Variants in BNC2 observed in about 807,000 individuals in gnomAD.
BNC2 encodes the protein zinc finger protein basonuclin-2.
BNC2 carries 20 observed loss-of-function variants against 76.3 expected under a neutral mutation model. The observed-to-expected ratio is 0.26, with a 90% confidence interval of 0.18 to 0.38. The LOEUF (loss-of-function observed/expected upper bound fraction) is 0.38, where lower values mean the gene tolerates loss of function less well. Among genes scored for constraint, BNC2 ranks in the 10% least tolerant of loss-of-function variants. BNC2 has a pLI of 1.00. For synonymous variants in BNC2, 582 were observed against 514.8 expected (o/e 1.13, Z -1.77); for missense variants, 1,382 against 1,399.8 (o/e 0.99, Z 0.20).
chr9:16,589,788 G>A (rs957851966), intron 3 of BNC2, among the ~76,000 whole-genome samples: 12 of 152,188 alleles, frequency 7.9e-5, no homozygotes, highest in African/African-American at 2.2e-4. Flanking sequence ...AATTACAGGC[G>A]TAAGCCACGG....
At chr9:16,776,197 T>A (rs893082789) in intron 1 of BNC2, among the ~76,000 whole-genome samples, 2 of 132,530 alleles carry the variant, frequency 1.5e-5, no homozygotes, top group South Asian at 5.3e-4. Context: ...TGGAGTGCAA[T>A]GGAACCATCT....
chr9:16,513,955 C>T (rs970338406), intron 5 of BNC2, among the ~76,000 whole-genome samples: 12 of 152,132 alleles, frequency 7.9e-5, no homozygotes, highest in African/African-American at 2.9e-4. Flanking sequence ...TGTTAGCTTC[C>T]GTGAAGGCCC....
rs182877663 is a variant in BNC2, at chr9:16,692,639, T to C, written c.330+35158A>G. 1.8e-3 allele frequency among the ~76,000 whole-genome samples: 275 copies of C among 152,074 alleles called. 2 individuals are homozygous for C. Among genetic ancestry groups the C allele is most frequent in the Middle Eastern group, 0.017 (5 of 294 alleles). On this transcript the variant is annotated intron_variant, in intron 3 of 6. Coordinates refer to ENST00000380672, the MANE Select transcript of BNC2 (RefSeq NM_017637.6). ...CTTTGAGACCACGATGGAAGCCGCA[T>C]AGGGGAAAGGAAAGCAAGCCACAAG...
chr9:16,788,836 A>G (rs1817421714), intron 1 of BNC2, among the ~76,000 whole-genome samples: 1 of 152,126 alleles, frequency 6.6e-6, no homozygotes, highest in African/African-American at 2.4e-5. Context: ...AACATGTCCA[A>G]TATGCAGGGC....
intron 4 of BNC2, among the ~76,000 whole-genome samples, chr9:16,568,752 C>T (rs1265626483): frequency 3.3e-5 from 5 of 152,202 alleles, no homozygotes; most frequent in South Asian, 2.1e-4. Flanking sequence ...AATGATGACA[C>T]ATTAAAACTT....
At chr9:16,784,742 A>G (rs1301473960) in intron 1 of BNC2, among the ~76,000 whole-genome samples, 1 of 152,222 alleles carries the variant, frequency 6.6e-6, no homozygotes, top group Admixed American at 6.5e-5. Flanking sequence ...CAACAAGCCT[A>G]TAGTAGGTCA....
intron 4 of BNC2, among the ~76,000 whole-genome samples, chr9:16,577,278 C>T (rs961156773): frequency 6.6e-6 from 1 of 150,542 alleles, no homozygotes; most frequent in Non-Finnish European, 1.5e-5. Context: ...CTATAAATAC[C>T]CCTGGTCTGA....
intron 1 of BNC2, among the ~76,000 whole-genome samples, chr9:16,800,582 T>C (rs1274825889): frequency 2.0e-5 from 3 of 152,138 alleles, no homozygotes; most frequent in South Asian, 2.1e-4. Flanking sequence ...GGCAATTTCA[T>C]TGATCATGTA....
intron 1 of BNC2, among the ~76,000 whole-genome samples, chr9:16,802,988 A>C (rs1817819996): frequency 1.3e-5 from 2 of 152,226 alleles, no homozygotes; most frequent in Non-Finnish European, 2.9e-5. Flanking sequence ...AGAGTAGACC[A>C]TCACACAGAC....
At chr9:16,835,569 C>A in intron 1 of BNC2, among the ~76,000 whole-genome samples, 1 of 152,080 alleles carries the variant, frequency 6.6e-6, no homozygotes, top group East Asian at 1.9e-4. Context: ...GGCATGGTGG[C>A]ACATGCCTTT....
At chr9:16,847,732 G>A (rs989193406) in intron 1 of BNC2, among the ~76,000 whole-genome samples, 10 of 152,168 alleles carry the variant, frequency 6.6e-5, no homozygotes, top group Non-Finnish European at 1.3e-4. Context: ...AGTAAATCAT[G>A]ATCCAGTTAG....
chr9:16,716,812 C>T (rs998777457), intron 3 of BNC2, among the ~76,000 whole-genome samples: 10 of 152,114 alleles, frequency 6.6e-5, no homozygotes, highest in African/African-American at 1.4e-4. Context: ...TGTTTCCTTC[C>T]GAAAGGAAGC....
chr9:16,521,541 A>G (rs1817619912), intron 5 of BNC2, among the ~76,000 whole-genome samples: 1 of 152,172 alleles, frequency 6.6e-6, no homozygotes, highest in South Asian at 2.1e-4. Context: ...ACATATACCT[A>G]TTTCCTGCAG....
chr9:16,449,705 A>T (rs1474114324), intron 5 of BNC2, among the ~76,000 whole-genome samples: 1 of 152,196 alleles, frequency 6.6e-6, no homozygotes, highest in South Asian at 2.1e-4. Flanking sequence ...AGCGGATCAC[A>T]ATTAGTAAAA....
Position 16,412,723 on chromosome 9 carries a change from GAGAGAGAGAGA to G in BNC2, c.*6255_*6265del, listed in dbSNP as rs1563769980. 4.3e-4 allele frequency: 8 copies of G among 18,500 alleles called. No homozygotes were observed. Among genetic ancestry groups the G allele is most frequent in the African/African-American group, 2.9e-3 (3 of 1,040 alleles). The allele number at this position is 18,500 out of a possible 1,614,324, so 1.1% of individuals were successfully genotyped here. ...AAGAGGGAAGGAGAGAGAGAGGGGA[GAGAGAGAGAGA>G]GAGAGAGAGAGAGAGAGAGAGAGAG... On this transcript the variant is annotated 3_prime_UTR_variant, in exon 7 of 7. Coordinates refer to ENST00000380672, the MANE Select transcript of BNC2 (RefSeq NM_017637.6).
rs145276166 is a variant in BNC2 at position 16,656,017 on chromosome 9, T to C, written c.330+71780A>G. 2.0e-3 allele frequency among the ~76,000 whole-genome samples: 311 copies of C among 152,282 alleles called. 1 individual carries two copies. The highest frequency in any genetic ancestry group is 3.5e-3 in the Non-Finnish European group (240 of 68,026). The stretch of plus-strand genomic sequence containing the variant: ...AGGCAGTGTTCTTAATAGGGGAGGT[T>C]TGTCACCCAGGAAACACTGGGAATG... On this transcript the variant is annotated intron_variant, in intron 3 of 6. Transcript: ENST00000380672.
intron 1 of BNC2, among the ~76,000 whole-genome samples, chr9:16,820,960 C>G (rs1157153531): frequency 1.3e-5 from 2 of 152,036 alleles, no homozygotes; most frequent in East Asian, 3.9e-4. Flanking sequence ...TTTGGGAGGC[C>G]GAGGCAGGAG....
At position 16,419,662 on chromosome 9, in the gene BNC2, G is replaced by T; in HGVS notation, c.2640-13C>A. On this transcript the variant is annotated splice_polypyrimidine_tract_variant and intron_variant, in intron 6 of 6. Coordinates refer to ENST00000380672, the MANE Select transcript of BNC2 (RefSeq NM_017637.6). ...GTTGGCACTGTGTCTAGGAAAACAA[G>T]AGGGAAGGGGGGGTACGTGGATGGG... is the stretch of plus-strand genomic sequence containing the variant. The T allele has an allele frequency of 1.2e-6, 1 of 813,176 alleles. No individual in the cohort carries two copies. Among genetic ancestry groups the T allele is most frequent in the Non-Finnish European group, 1.9e-6 (1 of 537,210 alleles). 50.4% of individuals were successfully genotyped at this position (813,176 alleles called of 1,614,324 possible). A position where few individuals can be genotyped will look rare whatever the true frequency, so the allele number is the denominator to read the frequency against.
chr9:16,733,548 G>A (rs1196131955), intron 2 of BNC2, among the ~76,000 whole-genome samples: 8 of 150,218 alleles, frequency 5.3e-5, no homozygotes, highest in South Asian at 2.1e-4. Context: ...ACCTCCTCCC[G>A]CCCAAAAAAA....
Sources: allele counts gnomAD v4.1 joint callset (sites outside exome capture counted in the v4.1 genomes callset), GRCh38; gene constraint gnomAD v4.1.1; transcripts MANE v1.5; gene names NCBI Gene and HGNC (gene_info 2026-07-23, HGNC 2026-07-21).